Variants in CCDC30 observed in about 807,000 individuals in gnomAD.
The protein encoded by CCDC30 is coiled-coil domain containing 30, also known as coiled-coil domain-containing protein 30.
In CCDC30, 70 loss-of-function variants were observed where a neutral mutation model predicts 100.2. That is an observed-to-expected ratio of 0.70 (90% CI 0.58 to 0.85). The LOEUF (loss-of-function observed/expected upper bound fraction) is 0.85. Among genes scored for constraint, CCDC30 ranks in the 40% least tolerant of loss-of-function variants. The pLI is 0.00. For missense variants in CCDC30, 652 were observed against 771.2 expected (o/e 0.85, Z 1.83); for synonymous variants, 233 against 269.5 (o/e 0.86, Z 1.33).
At chr1:42,577,216 A>T (rs539831054) in exon 8 of CCDC30, 2 of 1,611,318 alleles carry the variant, frequency 1.2e-6, no homozygotes, top group South Asian at 1.1e-5. Context: ...AAAGTTGCTG[A>T]TGCAGAGGAA....
intron 9 of CCDC30, among the ~76,000 whole-genome samples, chr1:42,586,184 C>T (rs1646065472): frequency 6.6e-6 from 1 of 152,150 alleles, no homozygotes; most frequent in Non-Finnish European, 1.5e-5. Flanking sequence ...TATGGAGGAC[C>T]ACTTTGAGGA....
At chr1:42,480,950 T>G (rs1279735770) in intron 2 of CCDC30, among the ~76,000 whole-genome samples, 1 of 151,494 alleles carries the variant, frequency 6.6e-6, no homozygotes, top group African/African-American at 2.4e-5. Context: ...TGAGACTCAG[T>G]TTCTATGAAA....
chr1:42,482,744 G>C (rs1643982639), exon 3 of CCDC30: 2 of 1,233,974 alleles, frequency 1.6e-6, no homozygotes, highest in South Asian at 4.1e-5. Flanking sequence ...AAAGAAGTTA[G>C]GGGTGGCTCA....
exon 5 of CCDC30, chr1:42,497,142 G>T: frequency 8.1e-7 from 1 of 1,234,286 alleles, no homozygotes; most frequent in African/African-American, 1.5e-5. Context: ...TCAGAGACTG[G>T]ATGAGGAAAT....
chr1:42,650,492 T>A (rs1024814645), intron 15 of CCDC30, among the ~76,000 whole-genome samples: 7 of 109,264 alleles, frequency 6.4e-5, no homozygotes, highest in South Asian at 3.8e-4. Flanking sequence ...TCTAAAAAAA[T>A]ATATATGTGT....
At chr1:42,549,222 G>A (rs1645201758) in intron 6 of CCDC30, among the ~76,000 whole-genome samples, 1 of 152,110 alleles carries the variant, frequency 6.6e-6, no homozygotes, top group Admixed American at 6.5e-5. Flanking sequence ...CATATATTGG[G>A]TTTTGTGTAA....
intron 3 of CCDC30, among the ~76,000 whole-genome samples, chr1:42,483,731 TTATA>T (rs1230318978): frequency 2.0e-5 from 3 of 152,272 alleles, no homozygotes; most frequent in African/African-American, 7.2e-5. Context: ...TGGGAGTTCT[TTATA>T]TATTGTGGAT....
At chr1:42,553,652 TAC>T (rs60429759) in intron 6 of CCDC30, among the ~76,000 whole-genome samples, 22,060 of 133,616 alleles carry the variant, frequency 0.17, 1,894 homozygotes, top group Non-Finnish European at 0.21. Context: ...TGAGATTCCA[TAC>T]ACACACACAC....
intron 9 of CCDC30, among the ~76,000 whole-genome samples, chr1:42,582,243 A>G (rs1645982815): frequency 1.3e-5 from 2 of 152,084 alleles, no homozygotes; most frequent in African/African-American, 4.8e-5. Flanking sequence ...AAACAACTTT[A>G]TTTCTCAACA....
Position 42,527,413 on chromosome 1 carries a change from A to G in CCDC30, c.456+28497A>G, listed in dbSNP as rs181316657. 5.2e-3 allele frequency among the ~76,000 whole-genome samples: 794 copies of G among 152,314 alleles called. 8 individuals carry two copies. Among genetic ancestry groups the G allele is most frequent in the African/African-American group, 0.018 (767 of 41,566 alleles). ...TCAACTACATTGTGACCTTGAACAC[A>G]TTACTTAGCTCTCTGTCCTTAACTT... is the stretch of plus-strand genomic sequence containing the variant. On this transcript the variant is annotated intron_variant, in intron 6 of 16. Coordinates refer to ENST00000668663, the Ensembl canonical transcript of CCDC30.
intron 11 of CCDC30, among the ~76,000 whole-genome samples, chr1:42,621,468 A>G (rs1646829624): frequency 6.6e-6 from 1 of 151,140 alleles, no homozygotes; most frequent in Admixed American, 6.6e-5. Flanking sequence ...GGCATGTGCC[A>G]CCACACCTGG....
At chr1:42,629,411 T>C (rs1054284556) in intron 11 of CCDC30, among the ~76,000 whole-genome samples, 1 of 152,224 alleles carries the variant, frequency 6.6e-6, no homozygotes, top group African/African-American at 2.4e-5. Context: ...TGGAGTTCTA[T>C]TATATGTAAT....
chr1:42,609,485 C>T (rs148081781), intron 10 of CCDC30, among the ~76,000 whole-genome samples: 157 of 152,258 alleles, frequency 1.0e-3, no homozygotes, highest in African/African-American at 3.6e-3. Context: ...CCCTAACTCT[C>T]ATGTTGTTCA....
intron 4 of CCDC30, among the ~76,000 whole-genome samples, chr1:42,493,995 C>T (rs1314716788): frequency 6.6e-6 from 1 of 152,280 alleles, no homozygotes; most frequent in Admixed American, 6.5e-5. Context: ...GGGTGAATCA[C>T]TTGAAGTCAA....
At position 42,526,907 on chromosome 1, in the gene CCDC30, T is replaced by C. The variant is rs144950560; in HGVS notation, c.456+27991T>C. On this transcript the variant is annotated intron_variant, in intron 6 of 16. Transcript: ENST00000668663. ...TCTGAATATCTGAACATATTAACTG[T>C]TCCCCCTAAAAATCAACCTTTCCCA... Among the ~76,000 whole-genome samples the C allele has an allele frequency of 2.0e-5, 3 of 152,330 alleles. No individual in the cohort carries two copies. The East Asian group carries it at 5.8e-4, about 29-fold the overall frequency.
chr1:42,642,597 C>A, exon 13 of CCDC30: 1 of 1,591,400 alleles, frequency 6.3e-7, no homozygotes, highest in Admixed American at 1.7e-5. Flanking sequence ...ACGATATCTT[C>A]CATCCAGAGC....
In CCDC30 at chr1:42,480,037, C is replaced by T. The variant is rs561356645; in HGVS notation, c.-91-424C>T. 5.9e-5 allele frequency among the ~76,000 whole-genome samples: 9 copies of T among 152,110 alleles called. No individual in the cohort carries two copies. In the East Asian group the frequency reaches 1.7e-3, roughly 29 times the overall value. On this transcript the variant is annotated intron_variant, in intron 1 of 16. Transcript: ENST00000668663. ...GCGAGCCGAGTAACTGATGGCTAGG[C>T]TTTTTTGGGGCTTCTGTGAGACTGA...
At chr1:42,583,541 TC>T (rs1321928596) in intron 9 of CCDC30, among the ~76,000 whole-genome samples, 1 of 152,216 alleles carries the variant, frequency 6.6e-6, no homozygotes, top group African/African-American at 2.4e-5. Flanking sequence ...TACATTTTTT[TC>T]TAGAATATTA....
intron 6 of CCDC30, among the ~76,000 whole-genome samples, chr1:42,522,080 C>T (rs2148504617): frequency 6.6e-6 from 1 of 152,100 alleles, no homozygotes; most frequent in African/African-American, 2.4e-5. Context: ...CACATTCTCC[C>T]ATATATTTTA....
Sources: allele counts gnomAD v4.1 joint callset (sites outside exome capture counted in the v4.1 genomes callset), GRCh38; gene constraint gnomAD v4.1.1; transcripts MANE v1.5; gene names NCBI Gene and HGNC (gene_info 2026-07-23, HGNC 2026-07-21).